The following CHLSN variants were observed in gnomAD, a reference collection of about 807,000 sequenced individuals.
The protein encoded by CHLSN is protein cholesin.
chr7:1,098,617 A>T, the CHLSN span, among the ~76,000 whole-genome samples: 1 of 151,932 alleles, frequency 6.6e-6, no homozygotes, highest in Non-Finnish European at 1.5e-5. Context: ...AGCAGACACG[A>T]GTGGAGCTGC....
chr7:1,060,034 G>GTAGTGAGGCGGGTCT, the CHLSN span, among the ~76,000 whole-genome samples: 35,809 of 109,960 alleles, frequency 0.33, 6,749 homozygotes, highest in African/African-American at 0.39. Flanking sequence ...AAGCGGGTCC[G>GTAGTGAGGCGGGTCT]TAGTGAGGCG....
the CHLSN span, among the ~76,000 whole-genome samples, chr7:1,069,123 T>A: frequency 8.6e-5 from 13 of 151,894 alleles, no homozygotes; most frequent in East Asian, 7.7e-4. Flanking sequence ...ACCTGAGGTC[T>A]GGAGTTCGAG....
chr7:1,040,515 AAAC>A, the CHLSN span, among the ~76,000 whole-genome samples: 2 of 152,250 alleles, frequency 1.3e-5, no homozygotes, highest in East Asian at 3.9e-4. Flanking sequence ...AACAAAACCA[AAAC>A]AACAACCTAA....
the CHLSN span, among the ~76,000 whole-genome samples, chr7:1,070,687 CACATGCACACGCGAGCACATGA>C: frequency 6.8e-6 from 1 of 147,740 alleles, no homozygotes; most frequent in African/African-American, 2.5e-5. Context: ...GTGCACGATA[CACATGCACACGCGAGCACATGA>C]ACACGCACAC....
chr7:1,053,475 C>CTCGCCA, the CHLSN span, among the ~76,000 whole-genome samples: 1 of 152,348 alleles, frequency 6.6e-6, no homozygotes, highest in African/African-American at 2.4e-5. Context: ...GCTCACATGA[C>CTCGCCA]TCGCCAGGCC....
the CHLSN span, among the ~76,000 whole-genome samples, chr7:1,006,775 C>T: frequency 1.8e-4 from 28 of 152,200 alleles, no homozygotes; most frequent in East Asian, 7.7e-4. Context: ...GAGCACACGA[C>T]GGCCACAGCG....
the CHLSN span, chr7:1,092,363 G>A: frequency 1.2e-5 from 19 of 1,610,590 alleles, no homozygotes; most frequent in Admixed American, 6.7e-5. Context: ...GCGGATGTCC[G>A]GGAGGTGCAG....
At chr7:1,061,023 C>G in the CHLSN span, among the ~76,000 whole-genome samples, 2 of 152,202 alleles carry the variant, frequency 1.3e-5, no homozygotes, top group Non-Finnish European at 2.9e-5. Context: ...TTTCCAGCCC[C>G]CCTTGGCTCC....
At chr7:1,133,594 C>CAA in the CHLSN span, among the ~76,000 whole-genome samples, 1 of 147,166 alleles carries the variant, frequency 6.8e-6, no homozygotes, top group African/African-American at 2.5e-5. Flanking sequence ...ACTAAAAATA[C>CAA]AAAAAAAAAA....
At chr7:1,066,031 T>A in the CHLSN span, among the ~76,000 whole-genome samples, 1 of 152,150 alleles carries the variant, frequency 6.6e-6, no homozygotes, top group Non-Finnish European at 1.5e-5. Flanking sequence ...GAGGGAGCCC[T>A]GCGCGGCCGG....
At chr7:1,051,990 TAAA>T in the CHLSN span, among the ~76,000 whole-genome samples, 1 of 152,052 alleles carries the variant, frequency 6.6e-6, no homozygotes, top group Non-Finnish European at 1.5e-5. Flanking sequence ...AACAGAAAAA[TAAA>T]AACAGAAGGA....
At chr7:1,037,481 A>C in the CHLSN span, among the ~76,000 whole-genome samples, 2,410 of 134,874 alleles carry the variant, frequency 0.018, 182 homozygotes, top group East Asian at 0.17. Flanking sequence ...CCTAACCGCG[A>C]GTGATCCCGC....
the CHLSN span, chr7:984,906 TG>T: frequency 1.3e-6 from 2 of 1,537,650 alleles, no homozygotes; most frequent in Non-Finnish European, 1.7e-6. Flanking sequence ...CGGGGCTGGC[TG>T]GGGTGGGAAC....
At chr7:1,000,866 G>C in the CHLSN span, among the ~76,000 whole-genome samples, 392 of 152,324 alleles carry the variant, frequency 2.6e-3, 2 homozygotes, top group African/African-American at 8.8e-3. Flanking sequence ...TTACAGGGGG[G>C]GAAGGATGAA....
the CHLSN span, chr7:984,911 TG>T: frequency 6.5e-7 from 1 of 1,534,158 alleles, no homozygotes. Flanking sequence ...CTGGCTGGGG[TG>T]GGAACCTGGG....
chr7:1,098,769 G>A, the CHLSN span, among the ~76,000 whole-genome samples: 2 of 152,232 alleles, frequency 1.3e-5, no homozygotes, highest in Non-Finnish European at 2.9e-5. Context: ...AATGTGAAAC[G>A]TGCAGGGCAG....
the CHLSN span, chr7:1,093,604 G>A: frequency 2.1e-6 from 1 of 471,254 alleles, no homozygotes. Flanking sequence ...CACTCATGTG[G>A]ACTGGGACCG....
chr7:1,000,248 C>T, the CHLSN span, among the ~76,000 whole-genome samples: 1 of 152,106 alleles, frequency 6.6e-6, no homozygotes, highest in Admixed American at 6.5e-5. Flanking sequence ...ACGTGCCTGC[C>T]CCGCCGTGCA....
the CHLSN span, among the ~76,000 whole-genome samples, chr7:1,018,132 T>C: frequency 4.6e-4 from 70 of 152,180 alleles, no homozygotes; most frequent in African/African-American, 1.7e-3. Flanking sequence ...CTCTGCTCTC[T>C]CCATTGAGCC....
Sources: gnomAD v4.1 joint callset for allele counts (sites outside exome capture counted in the v4.1 genomes callset) on GRCh38, gnomAD v4.1.1 for gene constraint, MANE v1.5 for transcripts, NCBI Gene and HGNC (gene_info 2026-07-23, HGNC 2026-07-21) for gene names.